MARCHF8: variants seen among roughly 807,000 people sequenced by gnomAD.
The protein encoded by MARCHF8 is E3 ubiquitin-protein ligase MARCHF8.
MARCHF8 carries 40 observed loss-of-function variants against 51.6 expected under a neutral mutation model. The observed-to-expected ratio is 0.77, with a 90% CI of 0.60 to 1.01. The LOEUF (loss-of-function observed/expected upper bound fraction) is 1.01. Among genes scored for constraint, MARCHF8 ranks in the 50% least tolerant of loss-of-function variants. MARCHF8 has a pLI of 0.00. For missense variants in MARCHF8, 685 were observed against 708.6 expected, an observed-to-expected ratio of 0.97 and a Z score of 0.38; for synonymous variants, 263 against 280.3, an observed-to-expected ratio of 0.94 and a Z score of 0.62.
chr10:45,573,306 C>G (rs1198154525), intron 1 of MARCHF8, among the ~76,000 whole-genome samples: 1 of 152,198 alleles, frequency 6.6e-6, no homozygotes, highest in African/African-American at 2.4e-5. Context: ...ATTAACCTCT[C>G]CTTCAAGGTG....
intron 6 of MARCHF8, 91 bp downstream of exon 6, chr10:45,461,140 G>T: frequency 2.0e-6 from 2 of 976,312 alleles, no homozygotes; most frequent in Non-Finnish European, 2.8e-6. Context: ...GGAAATGAAC[G>T]CAGGCAAGCC....
intron 1 of MARCHF8, among the ~76,000 whole-genome samples, chr10:45,549,931 G>GTACTT (rs2044175188): frequency 6.6e-6 from 1 of 152,110 alleles, no homozygotes; most frequent in African/African-American, 2.4e-5. Flanking sequence ...CTAAATCTCT[G>GTACTT]TACTTTATTA....
At chr10:45,470,806 T>C (rs1043020718) in intron 3 of MARCHF8, among the ~76,000 whole-genome samples, 3 of 152,238 alleles carry the variant, frequency 2.0e-5, no homozygotes, top group African/African-American at 7.2e-5. Context: ...GGTGTTTACA[T>C]ATTGCAATGT....
At chr10:45,520,423 A>G (rs933021475) in intron 2 of MARCHF8, among the ~76,000 whole-genome samples, 5 of 152,250 alleles carry the variant, frequency 3.3e-5, no homozygotes, top group Admixed American at 1.3e-4. Context: ...TTTAAGCTAA[A>G]TAATATCAAA....
At chr10:45,502,501 C>T (rs2043299329) in intron 2 of MARCHF8, among the ~76,000 whole-genome samples, 3 of 152,066 alleles carry the variant, frequency 2.0e-5, no homozygotes, top group Admixed American at 2.0e-4. Flanking sequence ...CCCAGGCATA[C>T]CATAGTCAAA....
rs775762528 is a variant in MARCHF8 at position 45,463,569 on chromosome 10, C to G, written c.670G>C (p.Gly224Arg). The G allele has an allele frequency of 6.4e-6, 10 of 1,550,480 alleles. No homozygotes were observed. Among genetic ancestry groups the G allele is most frequent in the South Asian group, 1.2e-5 (1 of 84,064 alleles). ...KHSCVSCLSA[G>R]RSTASEVEAG... ...TCCACCTCTGAGGCAGTTGAGCGAC[C>G]GGCAGAAAGGCATGAAACACAAGAA... Residue 224 changes from glycine (G) to arginine (R), a missense_variant, in exon 5 of 8, where the codon GGT becomes CGT. Transcript: ENST00000453424.
At chr10:45,593,025 T>G (rs2044698743) in intron 1 of MARCHF8, among the ~76,000 whole-genome samples, 1 of 152,116 alleles carries the variant, frequency 6.6e-6, no homozygotes, top group South Asian at 2.1e-4. Flanking sequence ...CAATCCAATT[T>G]CCTCATTTTT....
intron 3 of MARCHF8, among the ~76,000 whole-genome samples, chr10:45,464,859 C>T (rs1842918732): frequency 6.6e-6 from 1 of 152,206 alleles, no homozygotes; most frequent in Admixed American, 6.5e-5. Context: ...GGAGTCCAGA[C>T]CACGTCACCA....
intron 1 of MARCHF8, among the ~76,000 whole-genome samples, chr10:45,576,772 T>TA (rs79524510): frequency 0.036 from 4,103 of 112,422 alleles, 65 homozygotes; most frequent in South Asian, 0.098. Context: ...AAATAAAAAT[T>TA]AAAAAAAAAA....
In MARCHF8 at chr10:45,463,286, G is replaced by C. The variant is rs1842852263; in HGVS notation, c.953C>G (p.Ser318Cys). 1.3e-6 allele frequency: 2 copies of C among 1,551,026 alleles called. No homozygotes were observed. The highest frequency in any genetic ancestry group is 1.7e-6 in the Non-Finnish European group (2 of 1,147,090). The change falls in exon 5 of 8, where the codon TCT becomes TGT. Residue 318 changes from serine to cysteine, a missense_variant. Ser to Cys is a moderately radical substitution (Grantham distance 112). Coordinates refer to ENST00000453424, the MANE Select transcript of MARCHF8 (RefSeq NM_001282866.2). Reference protein sequence around the residue: ...GDDDVFEDSTSAKLKSRVLRA... With the variant: ...GDDDVFEDSTCAKLKSRVLRA... ...CAGAACCCTACTCTTCAGTTTTGCAGATGTGCTGTCCTCAAAGACATCGTC... is the reference window on the plus strand; with the variant it reads ...CAGAACCCTACTCTTCAGTTTTGCACATGTGCTGTCCTCAAAGACATCGTC...
At chr10:45,507,312 C>T (rs1250305683) in intron 2 of MARCHF8, among the ~76,000 whole-genome samples, 1 of 152,156 alleles carries the variant, frequency 6.6e-6, no homozygotes, top group Non-Finnish European at 1.5e-5. Flanking sequence ...TTGTCTCAGT[C>T]TGTTCGCATT....
chr10:45,515,071 A>G (rs1362377743), intron 2 of MARCHF8, among the ~76,000 whole-genome samples: 1 of 152,248 alleles, frequency 6.6e-6, no homozygotes, highest in Non-Finnish European at 1.5e-5. Context: ...GGCTATAAAT[A>G]AATCGTCCAT....
chr10:45,545,727 A>G (rs2044111432), intron 1 of MARCHF8, among the ~76,000 whole-genome samples: 1 of 152,234 alleles, frequency 6.6e-6, no homozygotes, highest in African/African-American at 2.4e-5. Flanking sequence ...ATAGATAGCA[A>G]GTTATGGAAG....
intron 3 of MARCHF8, among the ~76,000 whole-genome samples, chr10:45,467,162 T>C (rs536516950): frequency 7.3e-4 from 111 of 152,318 alleles, no homozygotes; most frequent in African/African-American, 2.4e-3. Context: ...CATTTCACCA[T>C]TTCCAATCTT....
At chr10:45,498,756 G>A (rs903597351) in intron 2 of MARCHF8, among the ~76,000 whole-genome samples, 3 of 152,196 alleles carry the variant, frequency 2.0e-5, no homozygotes, top group East Asian at 3.8e-4. Context: ...AATAACAGGC[G>A]TGAGCCGCTG....
chr10:45,581,792 C>T (rs2044558395), intron 1 of MARCHF8, among the ~76,000 whole-genome samples: 1 of 152,070 alleles, frequency 6.6e-6, no homozygotes, highest in South Asian at 2.1e-4. Context: ...CTCAAAGTTC[C>T]CAGCTTAGTT....
intron 2 of MARCHF8, among the ~76,000 whole-genome samples, chr10:45,491,578 A>G (rs2043081306): frequency 6.6e-6 from 1 of 152,152 alleles, no homozygotes; most frequent in South Asian, 2.1e-4. Context: ...TTAACTAGCA[A>G]TTTAATTCAA....
chr10:45,499,501 T>A (rs748386090), intron 2 of MARCHF8, among the ~76,000 whole-genome samples: 2 of 152,196 alleles, frequency 1.3e-5, no homozygotes, highest in Non-Finnish European at 2.9e-5. Context: ...ATCCAAAAAA[T>A]TTTTGCCAAA....
chr10:45,466,690 G>C (rs1027936722), intron 3 of MARCHF8, among the ~76,000 whole-genome samples: 2 of 152,160 alleles, frequency 1.3e-5, no homozygotes, highest in Admixed American at 6.5e-5. Flanking sequence ...GGCAAACCCT[G>C]TTGGGAGGAG....
Sources: gnomAD v4.1 joint callset for allele counts (sites outside exome capture counted in the v4.1 genomes callset) on GRCh38, gnomAD v4.1.1 for gene constraint, MANE v1.5 for transcripts, NCBI Gene and HGNC (gene_info 2026-07-23, HGNC 2026-07-21) for gene names.